GCNT2: variants seen among roughly 807,000 people sequenced by gnomAD.
GCNT2 encodes glucosaminyl (N-acetyl) transferase 2 (I blood group).
In GCNT2, 34 loss-of-function variants were observed where a neutral mutation model predicts 34.2. That is an observed-to-expected ratio of 1.00 (90% CI 0.76 to 1.32). The LOEUF (loss-of-function observed/expected upper bound fraction) is 1.32, where lower values mean the gene tolerates loss of function less well. GCNT2 is among the 40% of genes most tolerant of loss of function. The probability of loss-of-function intolerance (pLI) is 0.00; values close to 1 mark genes in which losing one functional copy is unlikely to be tolerated. For synonymous variants in GCNT2, 212 were observed against 188.0 expected, an observed-to-expected ratio of 1.13 and a Z score of -1.04; for missense variants, 584 against 489.4, an observed-to-expected ratio of 1.19 and a Z score of -1.82.
intron 2 of GCNT2, 98 bp from the exon 3 acceptor site, chr6:10,528,533 C>G (rs1014546531): frequency 6.1e-6 from 2 of 325,784 alleles, no homozygotes; most frequent in African/African-American, 2.1e-5. Context: ...GAGCCGATGA[C>G]TTGCAGAATG....
intron 3 of GCNT2, among the ~76,000 whole-genome samples, chr6:10,539,426 C>T (rs575538198): frequency 4.0e-5 from 6 of 151,782 alleles, no homozygotes; most frequent in East Asian, 3.9e-4. Context: ...TGACCTCAGG[C>T]GATCCGCCCA....
At chr6:10,624,658 T>C (rs1347569828) in intron 4 of GCNT2, among the ~76,000 whole-genome samples, 2 of 152,210 alleles carry the variant, frequency 1.3e-5, no homozygotes, top group Admixed American at 1.3e-4. Context: ...ATTCAAGATA[T>C]GTGATCAAAA....
rs1765214435 is a variant in GCNT2 at position 10,604,210 on chromosome 6, T to G, written c.926-17141T>G. 2.6e-5 allele frequency among the ~76,000 whole-genome samples: 4 copies of G among 152,294 alleles called. No homozygotes were observed. The Middle Eastern group carries it at 0.014, about 518-fold the overall frequency. Reference sequence around the variant, plus strand: ...CCGCGCCCAGCCTATGCTTTCTTAATGATTGTTACTTGTAGGTATTAGATT... The same window carrying G: ...CCGCGCCCAGCCTATGCTTTCTTAAGGATTGTTACTTGTAGGTATTAGATT... On this transcript the variant is annotated intron_variant, in intron 3 of 4. Coordinates refer to ENST00000495262, the MANE Select transcript of GCNT2 (RefSeq NM_145649.5).
At position 10,607,707 on chromosome 6, in the gene GCNT2, T is replaced by A. The variant is rs1379118625; in HGVS notation, c.926-13644T>A. 9.0e-5 allele frequency among the ~76,000 whole-genome samples: 10 copies of A among 111,018 alleles called. 1 individual carries two copies. Among genetic ancestry groups the A allele is most frequent in the African/African-American group, 2.6e-4 (10 of 38,358 alleles). The allele number at this position is 111,018 out of a possible 152,430, so 72.8% of individuals were successfully genotyped here. A position where few individuals can be genotyped will look rare whatever the true frequency, so the allele number is the denominator to read the frequency against. Reference sequence around the variant, plus strand: ...CCCTAACTTACAGACATTTGGGGGGTCTTATTGGTAATCAGTTGTTTTGTT... The same window carrying A: ...CCCTAACTTACAGACATTTGGGGGGACTTATTGGTAATCAGTTGTTTTGTT... On this transcript the variant is annotated intron_variant, in intron 3 of 4. Coordinates refer to ENST00000495262, the MANE Select transcript of GCNT2 (RefSeq NM_145649.5).
intron 3 of GCNT2, among the ~76,000 whole-genome samples, chr6:10,563,002 T>C (rs1033533225): frequency 1.3e-5 from 2 of 152,026 alleles, no homozygotes; most frequent in Admixed American, 6.6e-5. Context: ...CTACTAAATA[T>C]ACAGAATTAG....
intron 1 of GCNT2, among the ~76,000 whole-genome samples, chr6:10,523,350 C>G (rs1243207910): frequency 1.3e-5 from 2 of 150,468 alleles, no homozygotes; most frequent in Middle Eastern, 3.2e-3. Context: ...TGCTTAAACC[C>G]GGGAGGCAGA....
intron 3 of GCNT2, among the ~76,000 whole-genome samples, chr6:10,539,178 C>CCCTTTTT (rs1761919997): frequency 1.4e-5 from 1 of 69,456 alleles, no homozygotes; most frequent in South Asian, 7.8e-4. Context: ...AGCTCACCGT[C>CCCTTTTT]TCTTTTTTTT....
At chr6:10,605,642 A>G (rs954867448) in intron 3 of GCNT2, among the ~76,000 whole-genome samples, 1 of 152,158 alleles carries the variant, frequency 6.6e-6, no homozygotes, top group African/African-American at 2.4e-5. Context: ...TGGCAGCCAC[A>G]GTGAGGAAAC....
chr6:10,573,017 G>GA (rs1763622578), intron 3 of GCNT2: 2 of 193,670 alleles, frequency 1.0e-5, no homozygotes, highest in Non-Finnish European at 1.9e-5. Flanking sequence ...TATAAGAGTG[G>GA]ATTGAATAAA....
At chr6:10,622,612 C>T (rs1766082473) in intron 4 of GCNT2, among the ~76,000 whole-genome samples, 1 of 151,908 alleles carries the variant, frequency 6.6e-6, no homozygotes, top group South Asian at 2.1e-4. Flanking sequence ...CAATTCAGTC[C>T]ATAATATGCA....
chr6:10,542,217 GT>G (rs55867845), intron 3 of GCNT2, among the ~76,000 whole-genome samples: 11,796 of 152,238 alleles, frequency 0.077, 599 homozygotes, highest in Middle Eastern at 0.16. Flanking sequence ...AGTTACAGCT[GT>G]TTCCTGCCCC....
At chr6:10,556,686 A>T (rs755750648) in intron 3 of GCNT2, 1 of 1,614,196 alleles carries the variant, frequency 6.2e-7, no homozygotes, top group Non-Finnish European at 8.5e-7. Context: ...CCTTTATCTA[A>T]GGAAGAAGCT....
chr6:10,556,233 C>CTG (rs1462386113), intron 3 of GCNT2: 6 of 1,444,826 alleles, frequency 4.2e-6, no homozygotes, highest in Non-Finnish European at 5.4e-6. Context: ...CGGGATCTGG[C>CTG]TGTAATATCG....
intron 3 of GCNT2, among the ~76,000 whole-genome samples, chr6:10,538,437 A>AAAAAATATATATAT (rs1554127249): frequency 2.7e-5 from 2 of 73,352 alleles, no homozygotes; most frequent in African/African-American, 2.4e-4. Context: ...AAAAAAAAAA[A>AAAAAATATATATAT]ATATATATAT....
At chr6:10,588,344 G>C (rs1764446827) in intron 3 of GCNT2, among the ~76,000 whole-genome samples, 1 of 151,788 alleles carries the variant, frequency 6.6e-6, no homozygotes, top group South Asian at 2.1e-4. Flanking sequence ...TCTTATTTTT[G>C]TTGGTATAGT....
rs77950633 is a variant in GCNT2, at chr6:10,529,150, G to A, written c.239G>A (p.Arg80Gln). 1.4e-4 allele frequency: 229 copies of A among 1,614,000 alleles called. No individual in the cohort carries two copies. Among genetic ancestry groups the A allele is most frequent in the East Asian group, 4.9e-4 (22 of 44,884 alleles). The change falls in exon 3 of 5, where the codon CGA becomes CAA. Residue 80 changes from arginine (R) to glutamine (Q), a missense_variant. Coordinates refer to ENST00000495262, the MANE Select transcript of GCNT2 (RefSeq NM_145649.5). ...DEATCYEYMVRSHYVTETLSE... is the reference protein window; with the variant it reads ...DEATCYEYMVQSHYVTETLSE... ...GCTACCTGCTATGAGTACATGGTTC[G>A]AAGCCACTATGTAACAGAAACACTC...
Position 10,551,995 on chromosome 6 carries a change from G to GTT in GCNT2, c.925+22160_925+22161insTT, listed in dbSNP as rs1311430841. On this transcript the variant is annotated intron_variant, in intron 3 of 4. Transcript: ENST00000495262. The stretch of plus-strand genomic sequence containing the variant: ...GCTGGTCTCAAACTCCTGACCTCAG[G>GTT]TGATCCACCCATCTTGGCCTCCCAA... Among the ~76,000 whole-genome samples the GTT allele has an allele frequency of 4.6e-5, 7 of 151,806 alleles. No homozygotes were observed. The South Asian group carries it at 8.3e-4, about 18-fold the overall frequency.
At chr6:10,551,018 A>G (rs1422972847) in intron 3 of GCNT2, among the ~76,000 whole-genome samples, 1 of 152,208 alleles carries the variant, frequency 6.6e-6, no homozygotes, top group Non-Finnish European at 1.5e-5. Flanking sequence ...GTGTTAAACA[A>G]TTTCCACAAG....
intron 3 of GCNT2, among the ~76,000 whole-genome samples, chr6:10,577,956 C>G (rs1216766366): frequency 6.6e-6 from 1 of 152,190 alleles, no homozygotes; most frequent in African/African-American, 2.4e-5. Context: ...TAACCCACCA[C>G]CACCATGACC....
Sources: gnomAD v4.1 joint callset for allele counts (sites outside exome capture counted in the v4.1 genomes callset) on GRCh38, gnomAD v4.1.1 for gene constraint, MANE v1.5 for transcripts, NCBI Gene and HGNC (gene_info 2026-07-23, HGNC 2026-07-21) for gene names.